Variants in AEBP2 observed in about 807,000 individuals in gnomAD.
AEBP2 encodes AE binding protein 2.
AEBP2 carries 10 observed loss-of-function variants against 50.8 expected under a neutral mutation model. The ratio of observed to expected loss-of-function variants is 0.20; its 90% CI spans 0.12 to 0.33. The LOEUF is 0.33. Among genes scored for constraint, AEBP2 ranks in the 10% least tolerant of loss-of-function variants. The pLI is 1.00. For synonymous variants in AEBP2, 296 were observed against 261.3 expected (o/e 1.13, Z -1.28); for missense variants, 570 against 688.0 (o/e 0.83, Z 1.92).
At chr12:19,502,652 C>CTTT (rs373049492) in intron 5 of AEBP2, among the ~76,000 whole-genome samples, 1 of 142,950 alleles carries the variant, frequency 7.0e-6, no homozygotes, top group Non-Finnish European at 1.5e-5. Flanking sequence ...TTTGTCTATT[C>CTTT]TTTTTTTTTT....
At chr12:19,479,727 T>G (rs1948699355) in intron 3 of AEBP2, among the ~76,000 whole-genome samples, 1 of 119,218 alleles carries the variant, frequency 8.4e-6, no homozygotes, top group African/African-American at 2.9e-5. Flanking sequence ...GTTTTTTTTT[T>G]TTTTTTTTTT....
rs1244960532 is a variant in AEBP2, at chr12:19,416,684, C to T, written c.-17+12468C>T. On this transcript the variant is annotated intron_variant, in intron 1 of 3. Coordinates refer to the AEBP2 transcript ENST00000538425. ...TGTCGCTTGGGCTGGAGTGCAGTGG[C>T]GTGATCTCAACTCACTGCAGCCTCC... Among the ~76,000 whole-genome samples the T allele has an allele frequency of 4.7e-5, 7 of 148,448 alleles. 1 individual carries two copies. Among genetic ancestry groups the T allele is most frequent in the African/African-American group, 1.5e-4 (6 of 40,054 alleles).
intron 5 of AEBP2, among the ~76,000 whole-genome samples, chr12:19,503,328 G>GGTAT (rs565163074): frequency 1.3e-4 from 19 of 145,554 alleles, no homozygotes; most frequent in South Asian, 4.4e-4. Context: ...TGTATTCCTT[G>GGTAT]GTGTGTGTGT....
At chr12:19,427,415 A>T (rs2095749138) in intron 1 of AEBP2, among the ~76,000 whole-genome samples, 1 of 150,232 alleles carries the variant, frequency 6.7e-6, no homozygotes, top group Admixed American at 6.7e-5. Context: ...AGGAAGGGTG[A>T]ACTCTCTCTG....
chr12:19,460,365 A>G (rs1948352672), intron 1 of AEBP2, among the ~76,000 whole-genome samples: 2 of 152,130 alleles, frequency 1.3e-5, no homozygotes, highest in Non-Finnish European at 2.9e-5. Context: ...TTTTTGAGAC[A>G]GAGTCTCGCT....
At chr12:19,453,901 A>G (rs1348024191) in intron 1 of AEBP2, among the ~76,000 whole-genome samples, 2 of 144,012 alleles carry the variant, frequency 1.4e-5, no homozygotes, top group African/African-American at 5.2e-5. Context: ...GGCTCAAGTG[A>G]TTCTCCCCCC....
chr12:19,451,791 T>C (rs759346490), intron 1 of AEBP2, among the ~76,000 whole-genome samples: 1 of 152,130 alleles, frequency 6.6e-6, no homozygotes, highest in Non-Finnish European at 1.5e-5. Flanking sequence ...AATGTTGAGC[T>C]CTGATACTCA....
chr12:19,466,791 T>G (rs1397468614), intron 2 of AEBP2: 2 of 984,930 alleles, frequency 2.0e-6, no homozygotes, highest in African/African-American at 1.7e-5. Context: ...AGGAAAAAAT[T>G]GGTAACCCTA....
intron 1 of AEBP2, among the ~76,000 whole-genome samples, chr12:19,459,303 C>G (rs1434793097): frequency 1.3e-5 from 2 of 151,994 alleles, no homozygotes; most frequent in Admixed American, 1.3e-4. Context: ...GCGATCTGGG[C>G]TCACCGCAAG....
intron 3 of AEBP2, among the ~76,000 whole-genome samples, chr12:19,482,254 G>A (rs1368946556): frequency 6.6e-6 from 1 of 152,150 alleles, no homozygotes; most frequent in Non-Finnish European, 1.5e-5. Flanking sequence ...GTCCTGTGAT[G>A]TGATTCATCT....
chr12:19,508,986 A>G, intron 5 of AEBP2: 1 of 528,314 alleles, frequency 1.9e-6, no homozygotes, highest in Admixed American at 2.1e-5. Flanking sequence ...ACCCTTGGTA[A>G]TAGAGTTGTT....
chr12:19,422,527 A>G (rs112651582), intron 1 of AEBP2, among the ~76,000 whole-genome samples: 4,634 of 150,812 alleles, frequency 0.031, 70 homozygotes, highest in East Asian at 0.046. Flanking sequence ...ACAGAGTTTT[A>G]CTCTTGTTGC....
chr12:19,485,136 G>T (rs1948787610), intron 3 of AEBP2, among the ~76,000 whole-genome samples: 1 of 152,124 alleles, frequency 6.6e-6, no homozygotes, highest in Non-Finnish European at 1.5e-5. Flanking sequence ...TTTTAAGGCA[G>T]CCTTTCTGCT....
At chr12:19,467,568 A>G (rs1171507652) in intron 2 of AEBP2, among the ~76,000 whole-genome samples, 3 of 152,184 alleles carry the variant, frequency 2.0e-5, no homozygotes, top group African/African-American at 7.2e-5. Flanking sequence ...TGCTGGGATT[A>G]CAGGCCTGAG....
intron 2 of AEBP2, among the ~76,000 whole-genome samples, chr12:19,466,056 C>T (rs776179515): frequency 3.9e-5 from 6 of 151,922 alleles, no homozygotes; most frequent in Non-Finnish European, 5.9e-5. Context: ...TGATCATCCT[C>T]CTCAGCCTCC....
chr12:19,441,840 A>G (rs2565676), intron 1 of AEBP2, among the ~76,000 whole-genome samples: 7,668 of 152,230 alleles, frequency 0.05, 636 homozygotes, highest in African/African-American at 0.17. Flanking sequence ...TACATATCTG[A>G]AAGTTGACAT....
chr12:19,509,000 C>T, intron 5 of AEBP2: 1 of 542,136 alleles, frequency 1.8e-6, no homozygotes. Context: ...AGTTGTTTAC[C>T]TTTTTACTAA....
Position 19,511,388 on chromosome 12 carries a change from T to A in AEBP2, c.1300-1010T>A, listed in dbSNP as rs192260938. Among the ~76,000 whole-genome samples the A allele has an allele frequency of 7.6e-4, 116 of 152,206 alleles. 1 individual carries two copies. The highest frequency in any genetic ancestry group is 3.4e-3 in the Middle Eastern group (1 of 294). ...TATGTTCCATAGTTTGGGAAACTGT[T>A]CTCAGTATGAGGCTAAAGGCGTTCA... On this transcript the variant is annotated intron_variant, in intron 5 of 7. Transcript: ENST00000266508.
At chr12:19,404,906 G>A (rs2095735367) in intron 1 of AEBP2, among the ~76,000 whole-genome samples, 1 of 146,312 alleles carries the variant, frequency 6.8e-6, no homozygotes, top group East Asian at 2.0e-4. Flanking sequence ...CAAACATCTC[G>A]TGATTCCAAC....
Sources: gnomAD v4.1 joint callset for allele counts (sites outside exome capture counted in the v4.1 genomes callset) on GRCh38, gnomAD v4.1.1 for gene constraint, MANE v1.5 for transcripts, NCBI Gene and HGNC (gene_info 2026-07-23, HGNC 2026-07-21) for gene names.